ADAMTSL1: variants seen among roughly 807,000 people sequenced by gnomAD.
ADAMTSL1 encodes ADAMTS like 1.
A neutral mutation model predicts 201.8 loss-of-function variants in ADAMTSL1; 126 were observed. The ratio of observed to expected loss-of-function variants is 0.62; its 90% CI spans 0.54 to 0.72. The LOEUF (loss-of-function observed/expected upper bound fraction) is 0.72, where lower values mean the gene tolerates loss of function less well. Among genes scored for constraint, ADAMTSL1 ranks in the 30% least tolerant of loss-of-function variants. The pLI is 0.00. For synonymous variants in ADAMTSL1, 1,121 were observed against 903.4 expected (o/e 1.24, Z -4.32); for missense variants, 2,679 against 2,277.8 (o/e 1.18, Z -3.59).
At chr9:18,127,481 AACACACACACACACACACAC>A (rs112886805) in intron 1 of ADAMTSL1, among the ~76,000 whole-genome samples, 63 of 146,246 alleles carry the variant, frequency 4.3e-4, no homozygotes, top group African/African-American at 1.4e-3. Context: ...GCACATACAC[AACACACACACACACACACAC>A]ACACACACAC....
intron 1 of ADAMTSL1, among the ~76,000 whole-genome samples, chr9:17,993,185 G>A (rs777693140): frequency 2.0e-5 from 3 of 152,276 alleles, no homozygotes; most frequent in South Asian, 2.1e-4. Flanking sequence ...AGGTTATCTC[G>A]TTGGGTGGAG....
chr9:18,357,471 G>A (rs780232575), intron 2 of ADAMTSL1, among the ~76,000 whole-genome samples: 2 of 152,170 alleles, frequency 1.3e-5, no homozygotes, highest in African/African-American at 2.4e-5. Flanking sequence ...TTCTAGATCA[G>A]AGTCTTTTTA....
At chr9:18,520,022 T>C (rs1286750026) in intron 2 of ADAMTSL1, among the ~76,000 whole-genome samples, 2 of 152,108 alleles carry the variant, frequency 1.3e-5, no homozygotes, top group Admixed American at 6.5e-5. Context: ...ATCATACTTG[T>C]TTGGAAAAAA....
intron 13 of ADAMTSL1, among the ~76,000 whole-genome samples, chr9:18,697,047 T>G (rs1191508014): frequency 2.0e-5 from 3 of 151,366 alleles, no homozygotes; most frequent in African/African-American, 7.3e-5. Context: ...ACCCAGCTAA[T>G]TTTTGTATTT....
At chr9:18,592,688 A>G (rs1824002119) in intron 4 of ADAMTSL1, among the ~76,000 whole-genome samples, 1 of 152,162 alleles carries the variant, frequency 6.6e-6, no homozygotes, top group Non-Finnish European at 1.5e-5. Flanking sequence ...TGCTCAGGAT[A>G]GCTTTGGCTA....
intron 12 of ADAMTSL1, among the ~76,000 whole-genome samples, chr9:18,682,818 A>G (rs1214767765): frequency 6.6e-6 from 1 of 152,210 alleles, no homozygotes; most frequent in African/African-American, 2.4e-5. Context: ...GCATCATAAA[A>G]TCTAAATTAA....
chr9:18,340,302 A>G (rs1563897882), intron 2 of ADAMTSL1, among the ~76,000 whole-genome samples: 1 of 152,184 alleles, frequency 6.6e-6, no homozygotes, highest in Non-Finnish European at 1.5e-5. Flanking sequence ...TCTCTTGGTC[A>G]GTATTATCAA....
chr9:18,457,029 A>G (rs545545153), intron 2 of ADAMTSL1, among the ~76,000 whole-genome samples: 7 of 152,260 alleles, frequency 4.6e-5, no homozygotes, highest in Middle Eastern at 3.4e-3. Flanking sequence ...AAAGTATGCA[A>G]TTTTTTGTTT....
chr9:18,650,653 C>G (rs1828181940), intron 7 of ADAMTSL1, among the ~76,000 whole-genome samples: 1 of 152,252 alleles, frequency 6.6e-6, no homozygotes, highest in Admixed American at 6.5e-5. Context: ...ATATATTGCC[C>G]TTAGTTCTAA....
chr9:18,886,164 GTGTATATATATA>G (rs1330237165), intron 23 of ADAMTSL1, among the ~76,000 whole-genome samples: 1,493 of 62,194 alleles, frequency 0.024, 56 homozygotes, highest in African/African-American at 0.044. Flanking sequence ...GAGTGTGTAT[GTGTATATATATA>G]TATATATATA....
In ADAMTSL1 at chr9:18,678,873, A is replaced by G. The variant is rs769061561; in HGVS notation, c.1137-1439A>G. Among the ~76,000 whole-genome samples the G allele has an allele frequency of 3.0e-4, 46 of 152,186 alleles. 1 individual carries two copies. Among genetic ancestry groups the G allele is most frequent in the Non-Finnish European group, 4.4e-4 (30 of 68,028 alleles). On this transcript the variant is annotated intron_variant, in intron 10 of 28. Transcript: ENST00000380548. ...AGAATTGGTCTTACCCATTGGGAAG[A>G]GAAACTCTCTACAGAGCTACTTCAT...
intron 9 of ADAMTSL1, among the ~76,000 whole-genome samples, chr9:18,669,845 G>A (rs956316175): frequency 6.6e-6 from 1 of 151,996 alleles, no homozygotes; most frequent in South Asian, 2.1e-4. Context: ...TAGTTTTTGC[G>A]GATGGCCAAA....
At position 18,722,861 on chromosome 9, in the gene ADAMTSL1, C is replaced by T. The variant is rs371980332; in HGVS notation, c.2006+1196C>T. On this transcript the variant is annotated intron_variant, in intron 15 of 28. Transcript: ENST00000380548. ...CAACAAGATAGAGTCAAAGTCAGGT[C>T]CTGTACATGAAATCCTGAGTAACCT... Among the ~76,000 whole-genome samples the T allele has an allele frequency of 4.6e-5, 7 of 152,326 alleles. No individual in the cohort carries two copies. The East Asian group carries it at 1.4e-3, about 29-fold the overall frequency.
intron 2 of ADAMTSL1, among the ~76,000 whole-genome samples, chr9:18,388,892 G>T (rs1837925391): frequency 6.6e-6 from 1 of 151,924 alleles, no homozygotes; most frequent in African/African-American, 2.4e-5. Context: ...GAGTAGCTGG[G>T]ATTACAGGTG....
At chr9:18,373,572 G>A (rs1837148283) in intron 2 of ADAMTSL1, among the ~76,000 whole-genome samples, 1 of 151,544 alleles carries the variant, frequency 6.6e-6, no homozygotes, top group Admixed American at 6.6e-5. Flanking sequence ...TGTCCTCTGG[G>A]GTAGTAATAC....
At position 18,684,463 on chromosome 9, in the gene ADAMTSL1, C is replaced by G. The variant is rs989837664; in HGVS notation, c.1490-253C>G. On this transcript the variant is annotated intron_variant, in intron 12 of 28. Transcript: ENST00000380548. ...CTAGTGCTCCTACACTTACAACTTT[C>G]ATAATAAAATGACTTTCCTTTGCTA... Among the ~76,000 whole-genome samples the G allele has an allele frequency of 6.6e-5, 10 of 152,332 alleles. 1 individual carries two copies. Among genetic ancestry groups the G allele is most frequent in the Admixed American group, 6.5e-4 (10 of 15,308 alleles).
intron 1 of ADAMTSL1, among the ~76,000 whole-genome samples, chr9:17,924,019 C>T (rs79861718): frequency 0.07 from 9,197 of 130,626 alleles, 280 homozygotes; most frequent in Middle Eastern, 0.14. Flanking sequence ...CTGCTGGATT[C>T]GGTTTGCCAG....
intron 16 of ADAMTSL1, among the ~76,000 whole-genome samples, chr9:18,762,915 G>A (rs889769364): frequency 6.6e-6 from 1 of 152,094 alleles, no homozygotes; most frequent in Non-Finnish European, 1.5e-5. Context: ...TAGACACTTA[G>A]GTTGCTTCCA....
chr9:18,090,469 A>G (rs552328696), intron 1 of ADAMTSL1, among the ~76,000 whole-genome samples: 1 of 152,318 alleles, frequency 6.6e-6, no homozygotes, highest in African/African-American at 2.4e-5. Context: ...TGAAGACATT[A>G]TGCTAAGTTA....
Sources: allele counts gnomAD v4.1 joint callset (sites outside exome capture counted in the v4.1 genomes callset), GRCh38; gene constraint gnomAD v4.1.1; transcripts MANE v1.5; gene names NCBI Gene and HGNC (gene_info 2026-07-23, HGNC 2026-07-21).